The following IL1RAPL2 variants were observed in gnomAD, a reference collection of about 807,000 sequenced individuals.
The protein encoded by IL1RAPL2 is X-linked interleukin-1 receptor accessory protein-like 2.
In IL1RAPL2, 3 loss-of-function variants were observed where a neutral mutation model predicts 44.1. That is an observed-to-expected ratio of 0.07 (90% CI 0.03 to 0.18). IL1RAPL2 has a LOEUF of 0.18. IL1RAPL2 is among the 10% of genes least tolerant of loss of function. The probability of loss-of-function intolerance (pLI) is 1.00; values close to 1 mark genes in which losing one functional copy is unlikely to be tolerated. For missense variants in IL1RAPL2, 391 were observed against 496.4 expected (o/e 0.79, Z 2.02); for synonymous variants, 181 against 178.8 (o/e 1.01, Z -0.10).
At chrX:105,477,445 A>C (rs2036205273) in intron 5 of IL1RAPL2, among the ~76,000 whole-genome samples, 1 of 111,387 alleles carries the variant, frequency 9.0e-6, no homozygotes, top group African/African-American at 3.2e-5. Context: ...GCCTCAAGCA[A>C]TTATCAGCTA....
chrX:105,550,245 C>T (rs1029334375), intron 6 of IL1RAPL2, among the ~76,000 whole-genome samples: 32 of 111,835 alleles, frequency 2.9e-4, no homozygotes, highest in African/African-American at 9.4e-4. Flanking sequence ...TTAGCTTAGC[C>T]GTTATAAATT....
At chrX:104,701,933 T>C (rs1435790905) in intron 2 of IL1RAPL2, among the ~76,000 whole-genome samples, 1 of 112,024 alleles carries the variant, frequency 8.9e-6, no homozygotes, top group East Asian at 2.8e-4. Context: ...GTAATGCTGA[T>C]AAAAATTTTT....
chrX:105,078,305 C>G (rs971727808), intron 2 of IL1RAPL2, among the ~76,000 whole-genome samples: 1 of 111,807 alleles, frequency 8.9e-6, no homozygotes. Context: ...CCACTCCAGA[C>G]CCTGTTTGCC....
At chrX:105,738,990 T>C (rs185452631) in intron 7 of IL1RAPL2, among the ~76,000 whole-genome samples, 73 of 111,006 alleles carry the variant, frequency 6.6e-4, no homozygotes, top group African/African-American at 2.2e-3. Context: ...CATTACTGCA[T>C]TGGACAAAAG....
At chrX:104,984,567 A>G (rs1282744429) in intron 2 of IL1RAPL2, among the ~76,000 whole-genome samples, 1 of 112,142 alleles carries the variant, frequency 8.9e-6, no homozygotes, top group African/African-American at 3.2e-5. Context: ...AGCAGGTCAT[A>G]TGGAGTACAT....
chrX:104,864,883 G>A (rs1397484106), intron 2 of IL1RAPL2, among the ~76,000 whole-genome samples: 1 of 43 alleles, frequency 0.023, no homozygotes, highest in Non-Finnish European at 0.042. Flanking sequence ...GATTCCAGAG[G>A]GACCCAGAAT....
rs1352367423 is a variant in IL1RAPL2 at position 104,672,741 on chromosome X, C to T, written c.82+13746C>T. On this transcript the variant is annotated intron_variant, in intron 2 of 10. Coordinates refer to ENST00000372582, the MANE Select transcript of IL1RAPL2 (RefSeq NM_017416.2). ...GTGTAAAAGTGTTCCTATTTCTCCA[C>T]ATCCTCTCCAGCACCTGTTGTTTCC... 1.9e-4 allele frequency among the ~76,000 whole-genome samples: 20 copies of T among 105,186 alleles called. No individual in the cohort carries two copies. The Admixed American group carries it at 2.1e-3, about 11-fold the overall frequency. 91.3% of individuals were successfully genotyped at this position (105,186 alleles called of 115,157 possible).
intron 6 of IL1RAPL2, among the ~76,000 whole-genome samples, chrX:105,485,722 G>T (rs776270562): frequency 1.8e-5 from 2 of 111,636 alleles, no homozygotes; most frequent in South Asian, 7.4e-4. Flanking sequence ...GTCTTTCTGT[G>T]CATGGTTCAT....
chrX:104,773,608 A>G (rs1275718341), intron 2 of IL1RAPL2, among the ~76,000 whole-genome samples: 2 of 111,767 alleles, frequency 1.8e-5, no homozygotes, highest in African/African-American at 6.5e-5. Flanking sequence ...CAGTTAGAGC[A>G]AAAGAGATAC....
rs1437325200 is a variant in IL1RAPL2 at position 104,691,593 on chromosome X, T to C, written c.82+32598T>C. ...CTTAATAAGACAGCAGGGACCTTCATATAATAAAGTAGTTCATGCATTTTG... is the reference window on the plus strand; with the variant it reads ...CTTAATAAGACAGCAGGGACCTTCACATAATAAAGTAGTTCATGCATTTTG... On this transcript the variant is annotated intron_variant, in intron 2 of 10. Coordinates refer to ENST00000372582, the MANE Select transcript of IL1RAPL2 (RefSeq NM_017416.2). 1.8e-4 allele frequency among the ~76,000 whole-genome samples: 20 copies of C among 112,100 alleles called. No homozygotes were observed. In the Admixed American group the frequency reaches 1.9e-3, roughly 11 times the overall value.
intron 5 of IL1RAPL2, among the ~76,000 whole-genome samples, chrX:105,296,853 A>G (rs1042491588): frequency 6.2e-5 from 7 of 112,156 alleles, no homozygotes; most frequent in African/African-American, 2.3e-4. Context: ...AACTCTAAAA[A>G]CATTCATCTT....
chrX:104,899,359 A>G (rs1347039148), intron 2 of IL1RAPL2, among the ~76,000 whole-genome samples: 1 of 112,081 alleles, frequency 8.9e-6, no homozygotes, highest in African/African-American at 3.2e-5. Flanking sequence ...TTTGAATATC[A>G]TTACAAATTT....
intron 6 of IL1RAPL2, among the ~76,000 whole-genome samples, chrX:105,703,780 G>A (rs2038140464): frequency 8.9e-6 from 1 of 112,111 alleles, no homozygotes; most frequent in Non-Finnish European, 1.9e-5. Flanking sequence ...GGTATCAAAT[G>A]TGTGTTTGAT....
intron 2 of IL1RAPL2, among the ~76,000 whole-genome samples, chrX:105,020,789 C>A (rs993199358): frequency 3.1e-4 from 34 of 111,144 alleles, no homozygotes; most frequent in African/African-American, 9.5e-4. Context: ...CCACACTTCT[C>A]ATGGACTTGA....
rs759645552 is a variant in IL1RAPL2 at position 105,680,064 on chromosome X, G to A, written c.773-37303G>A. Among the ~76,000 whole-genome samples, 3 of 110,855 alleles carry A rather than the reference G, an allele frequency of 2.7e-5. No homozygotes were observed. In the East Asian group the frequency reaches 8.6e-4, roughly 32 times the overall value. On this transcript the variant is annotated intron_variant, in intron 6 of 10. Coordinates refer to ENST00000372582, the MANE Select transcript of IL1RAPL2 (RefSeq NM_017416.2). ...CACCCATGCTGGAGTGCAGTGGTGC[G>A]ATCTCGGCTCACTGCAACCTCCGCC...
intron 2 of IL1RAPL2, among the ~76,000 whole-genome samples, chrX:104,711,864 A>G (rs1256509658): frequency 1.8e-5 from 2 of 110,726 alleles, no homozygotes; most frequent in Non-Finnish European, 3.8e-5. Flanking sequence ...TCACTTCAGT[A>G]CTTCACTGTG....
intron 10 of IL1RAPL2, among the ~76,000 whole-genome samples, chrX:105,761,040 G>A (rs924827308): frequency 9.1e-5 from 10 of 109,436 alleles, no homozygotes; most frequent in South Asian, 4.0e-4. Flanking sequence ...CTAACTGGGC[G>A]TGGTGGCAGA....
At position 104,637,778 on chromosome X, in the gene IL1RAPL2, ATGTGTGTG is replaced by A. The variant is rs58410384; in HGVS notation, c.-19-21101_-19-21094del. 4.1e-3 allele frequency among the ~76,000 whole-genome samples: 411 copies of A among 99,084 alleles called. 2 individuals are homozygous for A. Among genetic ancestry groups the A allele is most frequent in the African/African-American group, 0.014 (387 of 27,101 alleles). 86.0% of individuals were successfully genotyped at this position (99,084 alleles called of 115,157 possible). A position where few individuals can be genotyped will look rare whatever the true frequency, so the allele number is the denominator to read the frequency against. On this transcript the variant is annotated intron_variant, in intron 1 of 10. Coordinates refer to ENST00000372582, the MANE Select transcript of IL1RAPL2 (RefSeq NM_017416.2). ...GGATATTGGCCTGTAGTTTTTGTGTATGTGTGTGTGTGTGTGTGTGTGTCTGTGTGTGT... is the reference window on the plus strand; with the variant it reads ...GGATATTGGCCTGTAGTTTTTGTGTATGTGTGTGTGTGTGTCTGTGTGTGT...
chrX:105,026,961 G>A (rs964222832), intron 2 of IL1RAPL2, among the ~76,000 whole-genome samples: 8 of 110,685 alleles, frequency 7.2e-5, no homozygotes, highest in Non-Finnish European at 1.3e-4. Context: ...TCATGGTACC[G>A]GCATAAACAC....
Sources: allele counts gnomAD v4.1 joint callset (sites outside exome capture counted in the v4.1 genomes callset), GRCh38; gene constraint gnomAD v4.1.1; transcripts MANE v1.5; gene names NCBI Gene and HGNC (gene_info 2026-07-23, HGNC 2026-07-21).